The following NAP1L4 variants were observed in gnomAD, a reference collection of about 807,000 sequenced individuals.
NAP1L4 encodes the protein nucleosome assembly protein 1 like 4.
In NAP1L4, 15 loss-of-function variants were observed where a neutral mutation model predicts 58.2. That is an observed-to-expected ratio of 0.26 (90% confidence interval 0.17 to 0.40). The LOEUF (loss-of-function observed/expected upper bound fraction) is 0.40, where lower values mean the gene tolerates loss of function less well. Ranked by LOEUF, NAP1L4 falls within the 10% of genes least tolerant of loss-of-function variation. The pLI is 1.00. For missense variants in NAP1L4, 384 were observed against 451.1 expected, an observed-to-expected ratio of 0.85 and a Z score of 1.35; for synonymous variants, 171 against 155.6, an observed-to-expected ratio of 1.10 and a Z score of -0.74.
chr11:2,960,464 G>A (rs1262763732), intron 8 of NAP1L4, among the ~76,000 whole-genome samples: 1 of 152,194 alleles, frequency 6.6e-6, no homozygotes, highest in African/African-American at 2.4e-5. Context: ...TACAGACCTG[G>A]AAGAGACGTG....
chr11:2,970,206 G>A (rs1259839932), intron 6 of NAP1L4, among the ~76,000 whole-genome samples: 1 of 152,136 alleles, frequency 6.6e-6, no homozygotes. Context: ...CACCGACGCT[G>A]GGAAAGGCCA....
In NAP1L4 at chr11:2,971,724, C is replaced by T. The variant is rs1199185619; in HGVS notation, c.316-190G>A. ...TCCCTGGGTAAACCTGGATGTTTCA[C>T]CTAAAGATGTAAAATAAAGACAGTC... On this transcript the variant is annotated intron_variant, in intron 5 of 15. Transcript: ENST00000380542. This position sits in a 1 kb window ranked among gnomAD's most constrained non-coding sequence, Gnocchi z 4.2. Among the ~76,000 whole-genome samples the T allele has an allele frequency of 6.6e-6, 1 of 151,982 alleles. No homozygotes were observed. Among genetic ancestry groups the T allele is most frequent in the East Asian group, 1.9e-4 (1 of 5,194 alleles).
chr11:2,953,952 T>C (rs1846375723), intron 12 of NAP1L4, among the ~76,000 whole-genome samples: 1 of 152,226 alleles, frequency 6.6e-6, no homozygotes, highest in South Asian at 2.1e-4. Flanking sequence ...TTGGTGAGGA[T>C]GGGAGTTTCT....
chr11:2,982,107 A>C (rs529592050), intron 1 of NAP1L4, among the ~76,000 whole-genome samples: 1 of 152,290 alleles, frequency 6.6e-6, no homozygotes, highest in Admixed American at 6.5e-5. Context: ...TTTTTCTGTT[A>C]TATACCTTTG....
chr11:2,945,936 G>T (rs1845918889), intron 15 of NAP1L4, among the ~76,000 whole-genome samples: 1 of 152,138 alleles, frequency 6.6e-6, no homozygotes, highest in South Asian at 2.1e-4. Context: ...AGCTCCAGGG[G>T]CCTGCCCATG....
At chr11:2,964,830 G>A in intron 7 of NAP1L4, 79 bp from the exon 8 acceptor site, 2 of 1,056,794 alleles carry the variant, frequency 1.9e-6, no homozygotes, top group Non-Finnish European at 1.4e-6. Context: ...TGGTTGCAGA[G>A]GCTCCCAGAT....
intron 1 of NAP1L4, among the ~76,000 whole-genome samples, chr11:2,982,925 CAGG>C (rs1487320340): frequency 6.6e-6 from 1 of 152,134 alleles, no homozygotes; most frequent in Non-Finnish European, 1.5e-5. Context: ...GAGGCTGAAG[CAGG>C]AGAACTGCTT....
chr11:2,956,957 C>A (rs1846581644), intron 10 of NAP1L4, among the ~76,000 whole-genome samples: 1 of 152,026 alleles, frequency 6.6e-6, no homozygotes, highest in Admixed American at 6.6e-5. Flanking sequence ...TTAAAAGTGG[C>A]TTTACTGATG....
In NAP1L4 at chr11:2,971,581, AG is replaced by A. The variant is rs745607459; in HGVS notation, c.316-48del. 9.5e-6 allele frequency: 14 copies of A among 1,472,288 alleles called. No individual in the cohort carries two copies. The African/African-American group carries it at 2.0e-4, about 21-fold the overall frequency. 91.2% of individuals were successfully genotyped at this position (1,472,288 alleles called of 1,614,324 possible). A position where few individuals can be genotyped will look rare whatever the true frequency, so the allele number is the denominator to read the frequency against. ...TTAGAATTATGTTATTAGCTTACTT[AG>A]GAACTCAAGAGTTAAATTTATAAAT... On this transcript the variant is annotated intron_variant, in intron 5 of 15. Coordinates refer to ENST00000380542, the MANE Select transcript of NAP1L4 (RefSeq NM_005969.4). The surrounding 1 kb of genome is among the most constrained non-coding windows in gnomAD (Gnocchi z 4.2).
At position 2,949,031 on chromosome 11, in the gene NAP1L4, G is replaced by A. The variant is rs117163206; in HGVS notation, c.*32+196C>T. On this transcript the variant is annotated intron_variant, in intron 15 of 15. Transcript: ENST00000380542. The surrounding 1 kb of genome is among the most constrained non-coding windows in gnomAD (Gnocchi z 4.0). ...CTACTTGGTTAGCAAGAAACACTGG[G>A]CTCAGAAAGCAGGGACCAAATCTAG... Among the ~76,000 whole-genome samples the A allele has an allele frequency of 0.012, 1,822 of 152,300 alleles. 25 individuals are homozygous for A. The highest frequency in any genetic ancestry group is 0.02 in the Middle Eastern group (6 of 294).
intron 8 of NAP1L4, among the ~76,000 whole-genome samples, chr11:2,961,684 AT>A (rs1846917160): frequency 6.6e-6 from 1 of 151,608 alleles, no homozygotes; most frequent in African/African-American, 2.4e-5. Context: ...TGTCCTACTC[AT>A]TTTTTCCCCT....
chr11:2,975,432 T>G (rs1847897677), intron 4 of NAP1L4, among the ~76,000 whole-genome samples: 1 of 152,098 alleles, frequency 6.6e-6, no homozygotes. Flanking sequence ...TAGGCCTCTC[T>G]TAAGAAAGCA....
chr11:2,960,474 G>A (rs1461890265), intron 8 of NAP1L4, among the ~76,000 whole-genome samples: 1 of 152,174 alleles, frequency 6.6e-6, no homozygotes, highest in Non-Finnish European at 1.5e-5. Context: ...GAAGAGACGT[G>A]AGCACACCGG....
chr11:2,975,885 C>A, intron 4 of NAP1L4, 139 bp downstream of exon 4: 1 of 730,662 alleles, frequency 1.4e-6, no homozygotes. Flanking sequence ...CTCTCATATC[C>A]CAGTGCCTGT....
intron 1 of NAP1L4, among the ~76,000 whole-genome samples, chr11:2,986,763 G>A (rs1432017576): frequency 6.7e-6 from 1 of 149,210 alleles, no homozygotes; most frequent in Non-Finnish European, 1.5e-5. Flanking sequence ...AGTTACAGGT[G>A]CCCACCACCA....
chr11:2,963,482 C>T (rs907248615), intron 8 of NAP1L4, among the ~76,000 whole-genome samples: 57 of 152,174 alleles, frequency 3.7e-4, no homozygotes, highest in African/African-American at 1.3e-3. Flanking sequence ...CTCCCAGCTC[C>T]CAGGGCCCCA....
intron 8 of NAP1L4, among the ~76,000 whole-genome samples, chr11:2,963,404 C>A (rs1238579605): frequency 6.6e-6 from 1 of 152,126 alleles, no homozygotes; most frequent in Non-Finnish European, 1.5e-5. Context: ...CCTGCTATAA[C>A]CCACATGGGG....
chr11:2,966,499 G>C, intron 7 of NAP1L4, among the ~76,000 whole-genome samples: 1 of 152,030 alleles, frequency 6.6e-6, no homozygotes, highest in East Asian at 1.9e-4. Context: ...TGTTTTTGTA[G>C]CTCCCACATG....
At chr11:2,980,998 G>C (rs529652358) in intron 1 of NAP1L4, among the ~76,000 whole-genome samples, 120 of 152,086 alleles carry the variant, frequency 7.9e-4, no homozygotes, top group African/African-American at 2.8e-3. Flanking sequence ...GGAGGCCAAA[G>C]TGGGCAGATT....
Sources: allele counts gnomAD v4.1 joint callset (sites outside exome capture counted in the v4.1 genomes callset), GRCh38; gene constraint gnomAD v4.1.1; non-coding constraint Gnocchi (gnomAD v3.1); transcripts MANE v1.5; gene names NCBI Gene and HGNC (gene_info 2026-07-23, HGNC 2026-07-21).